The following CSF2RA variants were observed in gnomAD, a reference collection of about 807,000 sequenced individuals.
CSF2RA encodes the protein colony stimulating factor 2 receptor subunit alpha.
A neutral mutation model predicts 51.6 loss-of-function variants in CSF2RA; 42 were observed. The observed-to-expected ratio is 0.81, with a 90% CI of 0.64 to 1.05. CSF2RA has a LOEUF of 1.05. Among genes scored for constraint, CSF2RA ranks in the 50% least tolerant of loss-of-function variants. The pLI is 0.00. For synonymous variants in CSF2RA, 222 were observed against 193.0 expected (o/e 1.15, Z -1.24); for missense variants, 530 against 501.1 (o/e 1.06, Z -0.55).
chrX:1,297,839 C>T (rs2092071761), intron 9 of CSF2RA, among the ~76,000 whole-genome samples: 1 of 128,546 alleles, frequency 7.8e-6, no homozygotes, highest in Non-Finnish European at 1.7e-5. Flanking sequence ...GTCCCCTACT[C>T]ACGACCCCTA....
chrX:1,273,763 T>G (rs867931390), intron 1 of CSF2RA, among the ~76,000 whole-genome samples: 2 of 59,558 alleles, frequency 3.4e-5, no homozygotes, highest in Non-Finnish European at 7.2e-5. Context: ...TTTTTTTTTT[T>G]TGTATTTTTT....
intron 9 of CSF2RA, chrX:1,300,186 T>A (rs1213400913): frequency 1.0e-5 from 3 of 295,758 alleles, no homozygotes; most frequent in Non-Finnish European, 1.9e-5. Flanking sequence ...GCCACTGCAC[T>A]GCAGCCTGGG....
intron 4 of CSF2RA, among the ~76,000 whole-genome samples, chrX:1,286,934 G>C (rs1453786028): frequency 2.0e-5 from 3 of 151,998 alleles, no homozygotes; most frequent in African/African-American, 4.8e-5. Context: ...AGACAGAAGA[G>C]CGGGGAGAGG....
chrX:1,269,647 GAGATGAAA>G (rs1569486189), intron 1 of CSF2RA, among the ~76,000 whole-genome samples: 1 of 16,426 alleles, frequency 6.1e-5, no homozygotes, highest in Non-Finnish European at 2.4e-4. Context: ...GAAAAAAAAA[GAGATGAAA>G]AGAGATGAAC....
At chrX:1,269,665 C>T (rs1322239296) in intron 1 of CSF2RA, among the ~76,000 whole-genome samples, 1 of 147,206 alleles carries the variant, frequency 6.8e-6, no homozygotes, top group Non-Finnish European at 1.5e-5. Context: ...AAGAGATGAA[C>T]GCAGAGCTGA....
chrX:1,305,592 G>C, intron 12 of CSF2RA, 65 bp downstream of exon 12: 1 of 1,613,928 alleles, frequency 6.2e-7, no homozygotes, highest in Admixed American at 1.7e-5. Flanking sequence ...CGTGGGACAC[G>C]GCCTCTGGGT....
chrX:1,318,916 C>CAA, the CSF2RA span, among the ~76,000 whole-genome samples: 2,887 of 137,264 alleles, frequency 0.021, 83 homozygotes, highest in African/African-American at 0.07. Context: ...GACTCCATCT[C>CAA]AAAAAAAAAA....
chrX:1,316,349 T>C, the CSF2RA span, among the ~76,000 whole-genome samples: 1 of 152,096 alleles, frequency 6.6e-6, no homozygotes, highest in Admixed American at 6.6e-5. Context: ...ATCTGCTATT[T>C]CTCAGGCTCC....
intron 7 of CSF2RA, 46 bp downstream of exon 7, chrX:1,290,555 GA>G (rs1326207340): frequency 6.3e-7 from 1 of 1,590,568 alleles, no homozygotes; most frequent in African/African-American, 1.3e-5. Flanking sequence ...AGGTGAAATG[GA>G]ATTTGCCTTA....
At chrX:1,324,645 G>C in the CSF2RA span, among the ~76,000 whole-genome samples, 11 of 152,206 alleles carry the variant, frequency 7.2e-5, no homozygotes, top group Admixed American at 6.6e-4. Flanking sequence ...AAGGACATAA[G>C]TGCTTTGGCC....
intron 2 of CSF2RA, among the ~76,000 whole-genome samples, chrX:1,280,874 T>TTCTCCTCCTCCTCCTCCTCCTCCTC (rs1569494246): frequency 1.3e-4 from 5 of 37,936 alleles, no homozygotes; most frequent in African/African-American, 3.6e-4. Context: ...TCCTCCTCCT[T>TTCTCCTCCTCCTCCTCCTCCTCCTC]CTCCTGCTCC....
chrX:1,316,110 T>TAAATGGATAGATAGAC, the CSF2RA span, among the ~76,000 whole-genome samples: 1 of 127,366 alleles, frequency 7.9e-6, no homozygotes, highest in East Asian at 2.8e-4. Context: ...GACACATAGA[T>TAAATGGATAGATAGAC]ACATAGATAC....
At chrX:1,284,857 G>C (rs2090459057) in intron 3 of CSF2RA, among the ~76,000 whole-genome samples, 1 of 151,904 alleles carries the variant, frequency 6.6e-6, no homozygotes, top group Admixed American at 6.6e-5. Context: ...AGTAGAGACA[G>C]GGTTTCACCA....
At chrX:1,286,370 A>T (rs1183014089) in intron 4 of CSF2RA, among the ~76,000 whole-genome samples, 16 of 152,016 alleles carry the variant, frequency 1.1e-4, no homozygotes, top group African/African-American at 3.9e-4. Context: ...GGAGTTCAAG[A>T]CCAGGCTGAC....
At chrX:1,320,128 C>G in the CSF2RA span, among the ~76,000 whole-genome samples, 1 of 152,074 alleles carries the variant, frequency 6.6e-6, no homozygotes, top group Non-Finnish European at 1.5e-5. Context: ...ATCTCCTGAC[C>G]TCGTCATCCA....
At chrX:1,280,961 CCTTCTCCTCCTCCTG>C (rs2089904272) in intron 2 of CSF2RA, among the ~76,000 whole-genome samples, 4 of 69,684 alleles carry the variant, frequency 5.7e-5, no homozygotes, top group African/African-American at 2.1e-4. Context: ...TCCTCCTCCT[CCTTCTCCTCCTCCTG>C]CTTCTCCTCC....
intron 11 of CSF2RA, among the ~76,000 whole-genome samples, chrX:1,304,880 G>T (rs1299995454): frequency 1.4e-5 from 2 of 147,294 alleles, no homozygotes; most frequent in Non-Finnish European, 3.1e-5. Context: ...GGCCAGGCTG[G>T]TCTCTAACTC....
At chrX:1,269,193 G>A (rs1180626126) in intron 1 of CSF2RA, among the ~76,000 whole-genome samples, 2 of 152,150 alleles carry the variant, frequency 1.3e-5, no homozygotes, top group African/African-American at 2.4e-5. Context: ...GGGAATTCTC[G>A]TTGGTTTACA....
At chrX:1,286,001 G>A (rs1340550546) in intron 4 of CSF2RA, 81 bp downstream of exon 4, 31 of 1,579,278 alleles carry the variant, frequency 2.0e-5, no homozygotes, top group African/African-American at 5.4e-5. Context: ...GGCTGGGCGC[G>A]GCGGCTCACG....
Sources: gnomAD v4.1 joint callset for allele counts (sites outside exome capture counted in the v4.1 genomes callset) on GRCh38, gnomAD v4.1.1 for gene constraint, MANE v1.5 for transcripts, NCBI Gene and HGNC (gene_info 2026-07-23, HGNC 2026-07-21) for gene names.